The following ELMO1 variants were observed in gnomAD, a reference collection of about 807,000 sequenced individuals.
ELMO1 encodes engulfment and cell motility protein 1.
In ELMO1, 26 loss-of-function variants were observed where a neutral mutation model predicts 98.9. The ratio of observed to expected loss-of-function variants is 0.26; its 90% CI spans 0.19 to 0.36. The LOEUF is 0.36. ELMO1 is among the 10% of genes least tolerant of loss of function. The pLI is 1.00. For synonymous variants in ELMO1, 346 were observed against 346.0 expected (o/e 1.00, Z 0.00); for missense variants, 627 against 935.2 (o/e 0.67, Z 4.30).
chr7:37,186,188 A>C (rs987065024), intron 13 of ELMO1, among the ~76,000 whole-genome samples: 4 of 152,192 alleles, frequency 2.6e-5, no homozygotes, highest in Non-Finnish European at 4.4e-5. Flanking sequence ...TTTTTGACAA[A>C]AGTGTCAAGA....
At position 37,314,973 on chromosome 7, in the gene ELMO1, AT is replaced by A. The variant is rs761760012; in HGVS notation, c.120-52del. On this transcript the variant is annotated intron_variant, in intron 3 of 21. Coordinates refer to ENST00000310758, the MANE Select transcript of ELMO1 (RefSeq NM_014800.11). ...TAGAAAAATGAAAGTGGCCATTTTC[AT>A]TTTTACAATTTTTTAGTGTTGGATG... 3 of 1,538,624 alleles carry A rather than the reference AT, an allele frequency of 1.9e-6. No homozygotes were observed. The Admixed American group carries it at 5.4e-5, about 28-fold the overall frequency.
chr7:37,322,101 G>A (rs569887759), intron 2 of ELMO1, among the ~76,000 whole-genome samples: 60 of 151,508 alleles, frequency 4.0e-4, no homozygotes, highest in Non-Finnish European at 7.8e-4. Context: ...CTCATGATCC[G>A]CCCGCCTTGG....
chr7:36,920,664 A>T (rs972245397), intron 16 of ELMO1, among the ~76,000 whole-genome samples: 3 of 152,320 alleles, frequency 2.0e-5, no homozygotes, highest in African/African-American at 7.2e-5. Flanking sequence ...TAGCCATATT[A>T]AATCCCTCTC....
At chr7:37,316,932 C>CA (rs11386520) in intron 2 of ELMO1, among the ~76,000 whole-genome samples, 152,334 of 152,336 alleles carry the variant, frequency 1, 76,166 homozygotes, top group Middle Eastern at 1. Flanking sequence ...AGTTCAAATC[C>CA]AGCTCTATCA....
chr7:37,391,044 CT>C (rs1803051540), intron 1 of ELMO1, among the ~76,000 whole-genome samples: 1 of 150,838 alleles, frequency 6.6e-6, no homozygotes, highest in Admixed American at 6.6e-5. Context: ...TCCTTCCTTC[CT>C]TCCTTCCTTC....
At chr7:37,246,753 G>A (rs1317816465) in intron 6 of ELMO1, among the ~76,000 whole-genome samples, 1 of 150,976 alleles carries the variant, frequency 6.6e-6, no homozygotes, top group Non-Finnish European at 1.5e-5. Context: ...TTGTTAAGAT[G>A]TAGGTAACTG....
chr7:37,180,768 G>GTA (rs1266563350), intron 13 of ELMO1, among the ~76,000 whole-genome samples: 3 of 151,292 alleles, frequency 2.0e-5, no homozygotes, highest in African/African-American at 7.3e-5. Context: ...GGAAAAATAT[G>GTA]TATATATACA....
At chr7:37,302,262 C>T (rs1455822777) in intron 4 of ELMO1, among the ~76,000 whole-genome samples, 1 of 152,184 alleles carries the variant, frequency 6.6e-6, no homozygotes, top group African/African-American at 2.4e-5. Context: ...GTCCCCATAG[C>T]TGGGACAACA....
At chr7:37,133,393 G>A (rs1356973254) in intron 13 of ELMO1, among the ~76,000 whole-genome samples, 159 bp from the exon 14 acceptor site, 1 of 152,118 alleles carries the variant, frequency 6.6e-6, no homozygotes, top group Non-Finnish European at 1.5e-5. Flanking sequence ...CTACTGAGGT[G>A]GATGCAGGGA....
At chr7:37,316,351 T>A (rs553574206) in intron 2 of ELMO1, among the ~76,000 whole-genome samples, 2 of 152,342 alleles carry the variant, frequency 1.3e-5, no homozygotes, top group African/African-American at 4.8e-5. Flanking sequence ...AAGCTGCAGT[T>A]TGGCTTCATG....
chr7:37,080,248 G>T (rs940271622), intron 15 of ELMO1, among the ~76,000 whole-genome samples: 1 of 152,026 alleles, frequency 6.6e-6, no homozygotes, highest in Non-Finnish European at 1.5e-5. Context: ...ATTGTAGTGG[G>T]GTATATTAAC....
At chr7:37,367,575 T>C (rs1478996144) in intron 1 of ELMO1, among the ~76,000 whole-genome samples, 1 of 152,170 alleles carries the variant, frequency 6.6e-6, no homozygotes, top group Non-Finnish European at 1.5e-5. Flanking sequence ...ACAGGTACAA[T>C]TCACTAAGTG....
intron 16 of ELMO1, among the ~76,000 whole-genome samples, chr7:36,995,655 TA>T (rs1448281233): frequency 6.6e-6 from 1 of 152,090 alleles, no homozygotes; most frequent in African/African-American, 2.4e-5. Context: ...TCTGAATGAG[TA>T]AAAAAAATTT....
At chr7:37,131,802 A>G (rs1786939327) in intron 14 of ELMO1, among the ~76,000 whole-genome samples, 1 of 152,248 alleles carries the variant, frequency 6.6e-6, no homozygotes, top group African/African-American at 2.4e-5. Flanking sequence ...AATTCTCTAT[A>G]TATTCAGATT....
At chr7:36,887,890 C>T (rs866805066) in intron 17 of ELMO1, among the ~76,000 whole-genome samples, 41 of 152,172 alleles carry the variant, frequency 2.7e-4, no homozygotes, top group African/African-American at 8.4e-4. Flanking sequence ...CAGAATTCCA[C>T]AAAAGAACCA....
chr7:37,404,075 A>C (rs1335171599), intron 1 of ELMO1, among the ~76,000 whole-genome samples: 1 of 152,152 alleles, frequency 6.6e-6, no homozygotes, highest in Non-Finnish European at 1.5e-5. Flanking sequence ...AAAATAAAAT[A>C]TATTAATGGG....
At chr7:37,159,301 T>C (rs1178666743) in intron 13 of ELMO1, among the ~76,000 whole-genome samples, 2 of 152,182 alleles carry the variant, frequency 1.3e-5, no homozygotes, top group Non-Finnish European at 2.9e-5. Context: ...TAAAGTATAA[T>C]AATAAAAGAA....
At chr7:37,207,508 A>G (rs145146007) in intron 13 of ELMO1, among the ~76,000 whole-genome samples, 39 of 152,168 alleles carry the variant, frequency 2.6e-4, no homozygotes, top group African/African-American at 9.4e-4. Flanking sequence ...CAAAGATTGC[A>G]CCACTGCACT....
chr7:37,283,432 G>GA (rs1444585573), intron 4 of ELMO1, among the ~76,000 whole-genome samples: 2 of 152,184 alleles, frequency 1.3e-5, no homozygotes, highest in Middle Eastern at 3.2e-3. Flanking sequence ...CTAGGCTGGG[G>GA]ACTAAAAGCT....
Sources: allele counts gnomAD v4.1 joint callset (sites outside exome capture counted in the v4.1 genomes callset), GRCh38; gene constraint gnomAD v4.1.1; transcripts MANE v1.5; gene names NCBI Gene and HGNC (gene_info 2026-07-23, HGNC 2026-07-21).